Variants in CCDC91 observed in about 807,000 individuals in gnomAD.
CCDC91 encodes coiled-coil domain containing 91.
In CCDC91, 48 loss-of-function variants were observed where a neutral mutation model predicts 63.2. The ratio of observed to expected loss-of-function variants is 0.76; its 90% CI spans 0.60 to 0.97. The LOEUF is 0.97. Ranked by LOEUF, CCDC91 falls within the 50% of genes least tolerant of loss-of-function variation. The pLI is 0.00. For synonymous variants in CCDC91, 167 were observed against 165.8 expected, an observed-to-expected ratio of 1.01 and a Z score of -0.06; for missense variants, 500 against 494.6, an observed-to-expected ratio of 1.01 and a Z score of -0.10.
intron 12 of CCDC91, among the ~76,000 whole-genome samples, chr12:28,511,339 AG>A (rs1194067727): frequency 6.6e-6 from 1 of 151,890 alleles, no homozygotes; most frequent in Non-Finnish European, 1.5e-5. Flanking sequence ...AATCTTCCAA[AG>A]GTTTTCCAAA....
chr12:28,469,958 A>G (rs1180092428), intron 11 of CCDC91, among the ~76,000 whole-genome samples: 1 of 152,200 alleles, frequency 6.6e-6, no homozygotes, highest in Non-Finnish European at 1.5e-5. Flanking sequence ...ACTTAAATCT[A>G]AGACCTCAAA....
At chr12:28,518,003 A>G (rs1162738687) in intron 12 of CCDC91, among the ~76,000 whole-genome samples, 1 of 152,104 alleles carries the variant, frequency 6.6e-6, no homozygotes, top group South Asian at 2.1e-4. Context: ...TCTATCGTGT[A>G]TGTAGACCAC....
At chr12:28,359,869 C>G (rs1267784954) in intron 6 of CCDC91, among the ~76,000 whole-genome samples, 1 of 152,094 alleles carries the variant, frequency 6.6e-6, no homozygotes, top group Admixed American at 6.5e-5. Context: ...TACCTAGGTC[C>G]TTACATGAGA....
At chr12:28,205,313 T>G (rs1243017607) in intron 1 of CCDC91, among the ~76,000 whole-genome samples, 11 of 151,986 alleles carry the variant, frequency 7.2e-5, no homozygotes, top group Non-Finnish European at 1.6e-4. Flanking sequence ...TAGAAGTCAT[T>G]TATAGATACT....
intron 3 of CCDC91, chr12:28,268,620 C>T: frequency 4.1e-6 from 4 of 981,492 alleles, no homozygotes; most frequent in Non-Finnish European, 4.8e-6. Context: ...AGAATGAGGG[C>T]TCCATTATTT....
At chr12:28,361,428 G>A (rs1335283926) in intron 6 of CCDC91, among the ~76,000 whole-genome samples, 1 of 151,900 alleles carries the variant, frequency 6.6e-6, no homozygotes, top group Non-Finnish European at 1.5e-5. Context: ...GAGAATGTGC[G>A]GAGATTTATC....
intron 1 of CCDC91, among the ~76,000 whole-genome samples, chr12:28,204,882 CG>C (rs1565608699): frequency 6.6e-6 from 1 of 152,046 alleles, no homozygotes; most frequent in Non-Finnish European, 1.5e-5. Context: ...AATACTTATA[CG>C]CAATTATAGG....
At chr12:28,463,036 G>A (rs941383417) in intron 11 of CCDC91, among the ~76,000 whole-genome samples, 1 of 152,132 alleles carries the variant, frequency 6.6e-6, no homozygotes, top group Non-Finnish European at 1.5e-5. Context: ...TACATGACAT[G>A]AGTATTTACT....
intron 3 of CCDC91, chr12:28,304,581 G>T (rs1296532314): frequency 1.3e-6 from 1 of 743,406 alleles, no homozygotes; most frequent in Non-Finnish European, 1.9e-6. Flanking sequence ...TGATGTATTT[G>T]TTATTTTGTT....
intron 3 of CCDC91, among the ~76,000 whole-genome samples, chr12:28,276,512 TTCTA>T (rs1310901274): frequency 6.6e-6 from 1 of 151,990 alleles, no homozygotes; most frequent in Admixed American, 6.6e-5. Flanking sequence ...ATTTTCCTGT[TTCTA>T]TCATATACAG....
intron 1 of CCDC91, among the ~76,000 whole-genome samples, chr12:28,204,036 G>A (rs1942663403): frequency 6.6e-6 from 1 of 152,064 alleles, no homozygotes; most frequent in Non-Finnish European, 1.5e-5. Context: ...GTATTTGTGG[G>A]TTTTGATGCC....
At chr12:28,270,564 CA>C (rs1322994332) in intron 3 of CCDC91, among the ~76,000 whole-genome samples, 5 of 152,040 alleles carry the variant, frequency 3.3e-5, no homozygotes, top group African/African-American at 1.2e-4. Context: ...TTTACGAACA[CA>C]ATGTTAATTT....
At chr12:28,535,630 A>G (rs567239882) in intron 12 of CCDC91, among the ~76,000 whole-genome samples, 15 of 152,300 alleles carry the variant, frequency 9.8e-5, no homozygotes, top group Admixed American at 3.3e-4. Context: ...ATTACTCCCT[A>G]ACTTCAGTAC....
At chr12:28,237,153 T>G (rs1945004770) in intron 1 of CCDC91, among the ~76,000 whole-genome samples, 1 of 151,976 alleles carries the variant, frequency 6.6e-6, no homozygotes, top group African/African-American at 2.4e-5. Context: ...TTCATGCAAC[T>G]CTAAATATAT....
chr12:28,302,396 G>A (rs1391494164), intron 3 of CCDC91, among the ~76,000 whole-genome samples: 6 of 151,810 alleles, frequency 4.0e-5, no homozygotes, highest in Admixed American at 3.9e-4. Context: ...CTAGGTGGTT[G>A]GTATGCATTA....
At chr12:28,250,697 T>G (rs1269938311) in intron 1 of CCDC91, among the ~76,000 whole-genome samples, 2 of 152,070 alleles carry the variant, frequency 1.3e-5, no homozygotes, top group African/African-American at 2.4e-5. Flanking sequence ...ATTCAGTCAT[T>G]TATTTTGAAG....
chr12:28,387,865 T>G (rs1945701639), intron 7 of CCDC91, among the ~76,000 whole-genome samples: 1 of 152,184 alleles, frequency 6.6e-6, no homozygotes, highest in Non-Finnish European at 1.5e-5. Flanking sequence ...CAAGTATCTT[T>G]TTCGTATAAT....
chr12:28,204,862 CAATT>C (rs1465066709), intron 1 of CCDC91, among the ~76,000 whole-genome samples: 3 of 152,066 alleles, frequency 2.0e-5, no homozygotes, highest in African/African-American at 4.8e-5. Context: ...CATTTATACA[CAATT>C]AAAGGAATAC....
At chr12:28,419,312 G>C (rs1947864139) in intron 8 of CCDC91, among the ~76,000 whole-genome samples, 1 of 152,040 alleles carries the variant, frequency 6.6e-6, no homozygotes. Flanking sequence ...AACAACACTG[G>C]AGTCAGGCCA....
Sources: gnomAD v4.1 joint callset for allele counts (sites outside exome capture counted in the v4.1 genomes callset) on GRCh38, gnomAD v4.1.1 for gene constraint, MANE v1.5 for transcripts, NCBI Gene and HGNC (gene_info 2026-07-23, HGNC 2026-07-21) for gene names.